Variants in PARG observed in about 807,000 individuals in gnomAD.
PARG encodes mitochondrial poly(ADP-ribose) glycohydrolase.
A neutral mutation model predicts 113.0 loss-of-function variants in PARG; 35 were observed. The ratio of observed to expected loss-of-function variants is 0.31; its 90% CI spans 0.24 to 0.41. The LOEUF (loss-of-function observed/expected upper bound fraction) is 0.41, where lower values mean the gene tolerates loss of function less well. Among genes scored for constraint, PARG ranks in the 10% least tolerant of loss-of-function variants. PARG has a pLI of 1.00. For missense variants in PARG, 797 were observed against 1,169.4 expected (o/e 0.68, Z 4.64); for synonymous variants, 330 against 409.9 (o/e 0.81, Z 2.36).
chr10:49,909,736 T>C lies in PARG; in HGVS notation c.1737+6181A>G, dbSNP rs1837059239. ...TTATGCTCAAAATGAAACAGAATTCTGTTCGGGCATAAGATGTACTTATAT... is the reference window on the plus strand; with the variant it reads ...TTATGCTCAAAATGAAACAGAATTCCGTTCGGGCATAAGATGTACTTATAT... On this transcript the variant is annotated intron_variant, in intron 7 of 17. Transcript: ENST00000616448. The C allele has an allele frequency of 7.7e-5, 12 of 155,388 alleles. No individual in the cohort carries two copies. The Admixed American group carries it at 7.8e-4, about 10-fold the overall frequency. The allele number at this position is 155,388 out of a possible 1,614,324, so 9.6% of individuals were successfully genotyped here. A position where few individuals can be genotyped will look rare whatever the true frequency, so the allele number is the denominator to read the frequency against.
At chr10:49,907,350 G>C (rs1836910747) in intron 7 of PARG, among the ~76,000 whole-genome samples, 1 of 152,114 alleles carries the variant, frequency 6.6e-6, no homozygotes, top group African/African-American at 2.4e-5. Flanking sequence ...TCGAGGATGA[G>C]TATTTTTCTC....
rs919012708 is a variant in PARG at position 49,841,848 on chromosome 10, C to T, written c.2541+102G>A. On this transcript the variant is annotated intron_variant, in intron 15 of 17. Transcript: ENST00000616448. The stretch of plus-strand genomic sequence containing the variant: ...ATCAGGAGAGCTGTGGGCAGACATA[C>T]TGACACTGCAATAATTACCAGAAAG... 4.1e-6 allele frequency: 3 copies of T among 738,890 alleles called. No individual in the cohort carries two copies. In the East Asian group the frequency reaches 8.1e-5, roughly 20 times the overall value. 45.8% of individuals were successfully genotyped at this position (738,890 alleles called of 1,614,324 possible). A position where few individuals can be genotyped will look rare whatever the true frequency, so the allele number is the denominator to read the frequency against.
At chr10:49,841,813 G>C in intron 15 of PARG, 137 bp downstream of exon 15, 1 of 628,296 alleles carries the variant, frequency 1.6e-6, no homozygotes, top group African/African-American at 1.8e-5. Flanking sequence ...CAAGCTGACA[G>C]AGCCATTAAA....
chr10:49,935,158 T>C lies in PARG; in HGVS notation c.218-16A>G, dbSNP rs1199150308. On this transcript the variant is annotated splice_polypyrimidine_tract_variant and intron_variant, in intron 1 of 17. Coordinates refer to ENST00000616448, the MANE Select transcript of PARG (RefSeq NM_003631.5). ...TGTTTGAAAACTATAAAAAAAAATG[T>C]ATATTCATACATTCCTTCAAATATA... 896 of 721,976 alleles carry C rather than the reference T, an allele frequency of 1.2e-3. 5 individuals are homozygous for C. Among genetic ancestry groups the C allele is most frequent in the Middle Eastern group, 0.01 (44 of 4,282 alleles). 44.7% of individuals were successfully genotyped at this position (721,976 alleles called of 1,614,324 possible).
At chr10:49,923,362 T>TA (rs1248772549) in intron 4 of PARG, among the ~76,000 whole-genome samples, 1 of 152,144 alleles carries the variant, frequency 6.6e-6, no homozygotes, top group Admixed American at 6.5e-5. Flanking sequence ...TCTCCCTCAC[T>TA]AGATCCCAAA....
intron 7 of PARG, among the ~76,000 whole-genome samples, chr10:49,887,048 C>T (rs1405839252): frequency 1.4e-5 from 2 of 139,128 alleles, no homozygotes; most frequent in Non-Finnish European, 3.2e-5. Flanking sequence ...TATAATTTAT[C>T]TTTTTTTTTT....
At chr10:49,912,577 G>A (rs1837256924) in intron 7 of PARG, among the ~76,000 whole-genome samples, 1 of 151,888 alleles carries the variant, frequency 6.6e-6, no homozygotes, top group South Asian at 2.1e-4. Flanking sequence ...GCAGGCAAAT[G>A]GCTTGAACCC....
At chr10:49,927,382 GAAAGAAAGAAA>G (rs1564664922) in intron 4 of PARG, among the ~76,000 whole-genome samples, 11 of 51,176 alleles carry the variant, frequency 2.1e-4, no homozygotes, top group African/African-American at 4.1e-4. Flanking sequence ...AAGAAAGAAA[GAAAGAAAGAAA>G]GAAAGAAAGA....
chr10:49,891,610 TATATATATA>T (rs1337174460), intron 7 of PARG, among the ~76,000 whole-genome samples: 11 of 49,928 alleles, frequency 2.2e-4, no homozygotes, highest in African/African-American at 1.3e-3. Context: ...TATATATATA[TATATATATA>T]TATATTTTTT....
intron 7 of PARG, among the ~76,000 whole-genome samples, chr10:49,913,560 A>G (rs1837311304): frequency 6.6e-6 from 1 of 152,234 alleles, no homozygotes; most frequent in South Asian, 2.1e-4. Context: ...TACTTAGTGT[A>G]GTTGTGGGGA....
intron 13 of PARG, 136 bp from the exon 14 acceptor site, chr10:49,843,768 TAAAC>T (rs1411823611): frequency 1.6e-5 from 10 of 608,540 alleles, no homozygotes; most frequent in African/African-American, 1.9e-5. Context: ...GGCAAGAAAA[TAAAC>T]AAAAAGGCAT....
chr10:49,885,272 T>C lies in PARG; in HGVS notation c.1761A>G (p.Gln587=). Residue 587 remains glutamine, a synonymous_variant, in exon 8 of 18, where the codon CAA becomes CAG. Transcript: ENST00000616448. ...CAGGCAAGATGGACTGATATAAATG[T>C]TGAGCTTCTGCTTCTTCAAGTACCT... is the stretch of plus-strand genomic sequence containing the variant. ...WDKVLEEAEA[Q]HLYQSILPDM... is the part of the protein sequence containing the mutation. The C allele has an allele frequency of 6.2e-7, 1 of 1,608,960 alleles. No individual in the cohort carries two copies. The highest frequency in any genetic ancestry group is 8.5e-7 in the Non-Finnish European group (1 of 1,177,074).
At chr10:49,926,405 T>C (rs1278555236) in intron 4 of PARG, among the ~76,000 whole-genome samples, 1 of 152,034 alleles carries the variant, frequency 6.6e-6, no homozygotes, top group Non-Finnish European at 1.5e-5. Context: ...TAGCCACTCA[T>C]GGAAGTCAGA....
intron 7 of PARG, among the ~76,000 whole-genome samples, chr10:49,906,425 T>G (rs1312049495): frequency 6.6e-6 from 1 of 152,156 alleles, no homozygotes. Flanking sequence ...GTTTTTACGA[T>G]GAATCTTCCC....
chr10:49,874,439 C>G (rs1846847829), intron 9 of PARG, among the ~76,000 whole-genome samples: 1 of 152,008 alleles, frequency 6.6e-6, no homozygotes, highest in Non-Finnish European at 1.5e-5. Flanking sequence ...CGCTAACCAG[C>G]TCAGTCTTCA....
At chr10:49,940,994 T>C (rs1344837001) in intron 1 of PARG, among the ~76,000 whole-genome samples, 2 of 152,210 alleles carry the variant, frequency 1.3e-5, no homozygotes, top group Non-Finnish European at 2.9e-5. Flanking sequence ...TTACCTTTTA[T>C]TATATTAACT....
intron 7 of PARG, among the ~76,000 whole-genome samples, chr10:49,897,960 TC>T (rs1554843151): frequency 6.6e-6 from 1 of 152,038 alleles, no homozygotes; most frequent in Non-Finnish European, 1.5e-5. Context: ...CCACTGCACC[TC>T]CGGCCTGGGT....
At chr10:49,904,981 C>G (rs1848509577) in intron 7 of PARG, among the ~76,000 whole-genome samples, 1 of 151,862 alleles carries the variant, frequency 6.6e-6, no homozygotes, top group African/African-American at 2.4e-5. Flanking sequence ...ATGCTGAACA[C>G]TAAAAGTCAA....
chr10:49,821,418 C>T (rs1284632747), intron 16 of PARG, among the ~76,000 whole-genome samples: 1 of 152,174 alleles, frequency 6.6e-6, no homozygotes, highest in Non-Finnish European at 1.5e-5. Context: ...CTTGCTCTGT[C>T]ACCCAGGCTG....
Sources: gnomAD v4.1 joint callset for allele counts (sites outside exome capture counted in the v4.1 genomes callset) on GRCh38, gnomAD v4.1.1 for gene constraint, MANE v1.5 for transcripts, NCBI Gene and HGNC (gene_info 2026-07-23, HGNC 2026-07-21) for gene names.